The following SYMPK variants were observed in gnomAD, a reference collection of about 807,000 sequenced individuals.
The protein encoded by SYMPK is symplekin scaffold protein.
Under a neutral mutation model 136.4 loss-of-function variants are expected in SYMPK, and 49 were observed. The observed-to-expected ratio is 0.36, with a 90% CI of 0.29 to 0.46. The LOEUF (loss-of-function observed/expected upper bound fraction) is 0.46. Among genes scored for constraint, SYMPK ranks in the 20% least tolerant of loss-of-function variants. SYMPK has a pLI of 1.00. For synonymous variants in SYMPK, 766 were observed against 713.0 expected, an observed-to-expected ratio of 1.07 and a Z score of -1.19; for missense variants, 1,365 against 1,690.0, an observed-to-expected ratio of 0.81 and a Z score of 3.37.
In SYMPK at chr19:45,827,885, G is replaced by C; in HGVS notation, c.2019C>G (p.Leu673=). Residue 673 remains leucine, a synonymous_variant, in exon 15 of 27, where the codon CTC becomes CTG. Coordinates refer to ENST00000245934, the MANE Select transcript of SYMPK (RefSeq NM_004819.3). ...IFTKVVLEAP[L]ITESALEVVR... is the part of the protein sequence containing the mutation. ...CCACCTCCAGGGCACTCTCTGTGAT[G>C]AGTGGCGCCTCCAGCACAACCTTGG... is the stretch of plus-strand genomic sequence containing the variant. The C allele has an allele frequency of 6.2e-7, 1 of 1,613,990 alleles. No homozygotes were observed. Among genetic ancestry groups the C allele is most frequent in the South Asian group, 1.1e-5 (1 of 91,072 alleles).
chr19:45,842,922 A>G, intron 8 of SYMPK: 1 of 174,962 alleles, frequency 5.7e-6, no homozygotes, highest in Non-Finnish European at 1.2e-5. Context: ...CCACAGTGAA[A>G]AAGGATGCCT....
chr19:45,818,123 G>A lies in SYMPK; in HGVS notation c.2917C>T (p.Arg973Trp), dbSNP rs376169646. 6 of 1,551,526 alleles carry A rather than the reference G, an allele frequency of 3.9e-6. No individual in the cohort carries two copies. The highest frequency in any genetic ancestry group is 5.2e-6 in the Non-Finnish European group (6 of 1,147,054). Residue 973 changes from arginine (R) to tryptophan (W), a missense_variant, in exon 23 of 27, where the codon CGG becomes TGG. Arg to Trp is a moderately radical substitution (Grantham distance 101). Around this residue, in one of 11 missense-constraint regions of SYMPK, gnomAD observed 156 missense variants for 217.8 expected, o/e 0.72. Coordinates refer to ENST00000245934, the MANE Select transcript of SYMPK (RefSeq NM_004819.3). Reference protein sequence around the residue: ...IKATNLCFAERNVYTSEVLAV... With the variant: ...IKATNLCFAEWNVYTSEVLAV... Reference sequence around the variant, plus strand: ...AGCACCTCTGACGTGTACACGTTCCGCTCCGCAAAGCACAGGTTGGTGGCT... The same window carrying A: ...AGCACCTCTGACGTGTACACGTTCCACTCCGCAAAGCACAGGTTGGTGGCT...
chr19:45,853,441 C>A (rs1469078204), intron 3 of SYMPK, among the ~76,000 whole-genome samples: 1 of 152,082 alleles, frequency 6.6e-6, no homozygotes, highest in Non-Finnish European at 1.5e-5. Context: ...GAGTTTGAGA[C>A]CAGCCTGGTC....
chr19:45,820,501 A>G (rs1321218029), intron 22 of SYMPK: 4 of 152,388 alleles, frequency 2.6e-5, no homozygotes, highest in Admixed American at 6.5e-5. Context: ...AGTAAGCAGC[A>G]CAGAGAGGAA....
intron 1 of SYMPK, among the ~76,000 whole-genome samples, chr19:45,862,278 G>A (rs998591625): frequency 1.3e-5 from 2 of 152,102 alleles, no homozygotes; most frequent in Non-Finnish European, 2.9e-5. Flanking sequence ...ATGATGAACA[G>A]TATCACTGTT....
intron 13 of SYMPK, among the ~76,000 whole-genome samples, chr19:45,829,618 A>G (rs1432159148): frequency 1.3e-5 from 2 of 152,160 alleles, no homozygotes; most frequent in Non-Finnish European, 2.9e-5. Flanking sequence ...CTGGCTAATC[A>G]ACAATTAACT....
intron 10 of SYMPK, among the ~76,000 whole-genome samples, chr19:45,836,644 A>G (rs1049911382): frequency 6.6e-6 from 1 of 151,026 alleles, no homozygotes; most frequent in Non-Finnish European, 1.5e-5. Flanking sequence ...AAAAAAATGT[A>G]TTATTTTTCT....
intron 17 of SYMPK, 123 bp from the exon 18 acceptor site, chr19:45,825,454 G>T (rs1052403143): frequency 1.6e-6 from 2 of 1,249,652 alleles, no homozygotes; most frequent in African/African-American, 3.0e-5. Context: ...CGGGGCTGGG[G>T]AGCTAATTGT....
chr19:45,849,394 T>C (rs911514973), intron 5 of SYMPK, among the ~76,000 whole-genome samples: 1 of 152,128 alleles, frequency 6.6e-6, no homozygotes, highest in Non-Finnish European at 1.5e-5. Context: ...CTTTCCTAGC[T>C]TGGCAATAAC....
In SYMPK at chr19:45,852,551, G is replaced by A. The variant is rs199608996; in HGVS notation, c.172-16C>T. 9.9e-6 allele frequency: 16 copies of A among 1,614,102 alleles called. 1 individual carries two copies. In the South Asian group the frequency reaches 1.5e-4, roughly 16 times the overall value. ...GCTCCTGGACCTGGAAGGAGATTGG[G>A]GGTGGGGAGGAGGAATACCCATATA... On this transcript the variant is annotated splice_polypyrimidine_tract_variant and intron_variant, in intron 3 of 26. Transcript: ENST00000245934.
chr19:45,817,165 G>A, intron 23 of SYMPK, 191 bp from the exon 24 acceptor site: 2 of 566,168 alleles, frequency 3.5e-6, no homozygotes, highest in East Asian at 6.8e-5. Flanking sequence ...TGGACCACGA[G>A]GGCAACTTGG....
chr19:45,846,943 G>A (rs558864029), intron 7 of SYMPK, among the ~76,000 whole-genome samples: 183 of 151,352 alleles, frequency 1.2e-3, no homozygotes, highest in African/African-American at 4.3e-3. Flanking sequence ...ACAGGTGCCC[G>A]CCACCATGCC....
chr19:45,842,155 T>C, intron 9 of SYMPK, 95 bp downstream of exon 9: 4 of 1,556,194 alleles, frequency 2.6e-6, no homozygotes, highest in Admixed American at 3.5e-5. Flanking sequence ...TAATCTATAA[T>C]ATAATCTTAG....
rs1393537573 is a variant in SYMPK, at chr19:45,816,507, T to C, written c.3329A>G (p.Glu1110Gly). Reference sequence around the variant, plus strand: ...CTCCTCCAAGGGCCCCGCAGGCGCCTCCTTGGCCTCTGGCTCCTGCTTGCC... The same window carrying C: ...CTCCTCCAAGGGCCCCGCAGGCGCCCCCTTGGCCTCTGGCTCCTGCTTGCC... ...ASGKQEPEAKEAPAGPLEEDD... is the reference protein window; with the variant it reads ...ASGKQEPEAKGAPAGPLEEDD... The change falls in exon 25 of 27, where the codon GAG (glutamate) becomes GGG (glycine). Residue 1110 changes from glutamate (E) to glycine (G), a missense_variant. By Grantham distance (98) the Glu-to-Gly change is moderately conservative (BLOSUM62 -2). Coordinates refer to ENST00000245934, the MANE Select transcript of SYMPK (RefSeq NM_004819.3). 1.2e-6 allele frequency: 2 copies of C among 1,613,270 alleles called. No homozygotes were observed. Among genetic ancestry groups the C allele is most frequent in the Non-Finnish European group, 1.7e-6 (2 of 1,179,910 alleles).
chr19:45,850,399 T>C (rs1441561284), intron 5 of SYMPK, among the ~76,000 whole-genome samples: 1 of 152,196 alleles, frequency 6.6e-6, no homozygotes, highest in Non-Finnish European at 1.5e-5. Flanking sequence ...TGCTCAAGCA[T>C]TTAATACAGT....
chr19:45,836,008 G>A (rs566788406), intron 10 of SYMPK, among the ~76,000 whole-genome samples: 64 of 152,102 alleles, frequency 4.2e-4, no homozygotes, highest in Non-Finnish European at 8.4e-4. Context: ...AAGCAAACAA[G>A]AAACCCCCCA....
At chr19:45,846,059 AC>A (rs1208177851) in intron 7 of SYMPK, among the ~76,000 whole-genome samples, 2 of 152,114 alleles carry the variant, frequency 1.3e-5, no homozygotes, top group Non-Finnish European at 2.9e-5. Flanking sequence ...ACACAGTGAA[AC>A]CCTGTCTCTA....
At chr19:45,827,048 T>C (rs1031082277) in intron 16 of SYMPK, among the ~76,000 whole-genome samples, 14 of 152,124 alleles carry the variant, frequency 9.2e-5, no homozygotes, top group African/African-American at 3.1e-4. Flanking sequence ...CACAACCAGA[T>C]GGTCGGCCCC....
chr19:45,848,029 G>C (rs200420618), intron 6 of SYMPK, 28 bp from the exon 7 acceptor site: 1 of 1,553,880 alleles, frequency 6.4e-7, no homozygotes, highest in Non-Finnish European at 8.7e-7. Context: ...AGGAATGGAA[G>C]AGACACACAA....
Sources: allele counts gnomAD v4.1 joint callset (sites outside exome capture counted in the v4.1 genomes callset), GRCh38; gene constraint gnomAD v4.1.1; regional missense constraint gnomAD v4.1.1; transcripts MANE v1.5; gene names NCBI Gene and HGNC (gene_info 2026-07-23, HGNC 2026-07-21).